The following TACC2 variants were observed in gnomAD, a reference collection of about 807,000 sequenced individuals.
TACC2 encodes the protein transforming acidic coiled-coil-containing protein 2.
TACC2 carries 137 observed loss-of-function variants against 227.3 expected under a neutral mutation model. That is an observed-to-expected ratio of 0.60 (90% CI 0.52 to 0.69). The LOEUF (loss-of-function observed/expected upper bound fraction) is 0.69. Ranked by LOEUF, TACC2 falls within the 30% of genes least tolerant of loss-of-function variation. The pLI, the probability that TACC2 is intolerant of heterozygous loss-of-function variation, is 0.00. For missense variants in TACC2, 3,470 were observed against 3,694.4 expected (o/e 0.94, Z 1.57); for synonymous variants, 1,523 against 1,487.5 (o/e 1.02, Z -0.55).
At chr10:122,143,236 T>TA (rs1270636557) in intron 6 of TACC2, among the ~76,000 whole-genome samples, 2 of 152,094 alleles carry the variant, frequency 1.3e-5, no homozygotes, top group South Asian at 2.1e-4. Context: ...GAAATCATCA[T>TA]AAAAAAAATC....
At chr10:122,132,082 G>GGAAGAA (rs1555059268) in intron 5 of TACC2, among the ~76,000 whole-genome samples, 3 of 136,098 alleles carry the variant, frequency 2.2e-5, no homozygotes, top group African/African-American at 8.8e-5. Context: ...AAGAAAGAAA[G>GGAAGAA]AGAAAGATCT....
intron 7 of TACC2, among the ~76,000 whole-genome samples, chr10:122,156,912 A>G (rs1333855498): frequency 1.3e-5 from 2 of 151,854 alleles, no homozygotes; most frequent in African/African-American, 4.8e-5. Flanking sequence ...GGAGTTCGAG[A>G]CCAGCTTAGG....
intron 2 of TACC2, 55 bp downstream of exon 2, chr10:122,022,069 A>G: frequency 6.3e-7 from 1 of 1,590,422 alleles, no homozygotes; most frequent in Non-Finnish European, 8.6e-7. Flanking sequence ...GCAGACCTTG[A>G]CTAGGTTCTT....
chr10:122,029,007 C>T (rs1591248764), intron 2 of TACC2, among the ~76,000 whole-genome samples: 1 of 85,878 alleles, frequency 1.2e-5, no homozygotes, highest in Non-Finnish European at 2.2e-5. Flanking sequence ...CCTCCCCTCC[C>T]CTCCCCTTCC....
chr10:122,198,350 T>A (rs1208630336), intron 8 of TACC2, among the ~76,000 whole-genome samples: 1 of 152,182 alleles, frequency 6.6e-6, no homozygotes, highest in Non-Finnish European at 1.5e-5. Context: ...GAGGGTGATC[T>A]GTGGGTCCCT....
intron 3 of TACC2, among the ~76,000 whole-genome samples, chr10:122,077,114 CAAA>C (rs973879242): frequency 3.0e-5 from 2 of 67,028 alleles, no homozygotes; most frequent in East Asian, 5.5e-4. Flanking sequence ...GACTCTGTCT[CAAA>C]AAAAAAAAAA....
intron 2 of TACC2, among the ~76,000 whole-genome samples, chr10:122,023,971 G>A (rs1591170493): frequency 6.6e-6 from 1 of 152,086 alleles, no homozygotes; most frequent in South Asian, 2.1e-4. Flanking sequence ...AATGTTCTGA[G>A]TTCAAAAGAA....
chr10:122,116,471 A>G (rs1430307476), intron 5 of TACC2, among the ~76,000 whole-genome samples: 1 of 152,152 alleles, frequency 6.6e-6, no homozygotes, highest in Non-Finnish European at 1.5e-5. Context: ...TTCTTGCCCT[A>G]CCCCTTACCA....
chr10:122,086,895 A>G lies in TACC2; in HGVS notation c.4395A>G (p.Ala1465=). ...GAGTGGATGTCACCCTTCTCCCTGC[A>G]CCTCCTGCTCGACTCCAGGTGGAGA... The part of the protein sequence containing the change: ...PPGVDVTLLP[A]PPARLQVEKK... Residue 1465 remains alanine (A), a synonymous_variant, in exon 4 of 23, where the codon GCA becomes GCG. Transcript: ENST00000369005. The G allele has an allele frequency of 6.2e-7, 1 of 1,613,822 alleles. No individual in the cohort carries two copies. Among genetic ancestry groups the G allele is most frequent in the South Asian group, 1.1e-5 (1 of 91,062 alleles).
Position 122,082,885 on chromosome 10 carries a change from C to A in TACC2, c.385C>A (p.Pro129Thr). The A allele has an allele frequency of 5.6e-6, 9 of 1,613,318 alleles. No homozygotes were observed. The highest frequency in any genetic ancestry group is 7.6e-6 in the Non-Finnish European group (9 of 1,180,010). ...TTGCTTGGCAAGTCCAGCAGCGGCA[C>A]CTGAAGATGGTCCTCAGACTCAGTC... ...EGCLASPAAA[P>T]EDGPQTQSPR... The change falls in exon 4 of 23, where the codon CCT (proline) becomes ACT (threonine). Residue 129 changes from proline to threonine, a missense_variant. Pro to Thr is a conservative substitution (Grantham distance 38). Transcript: ENST00000369005.
chr10:122,176,111 CTCTCTCTATATATATATATA>C (rs2093697744), intron 7 of TACC2, among the ~76,000 whole-genome samples: 1 of 62,386 alleles, frequency 1.6e-5, no homozygotes, highest in African/African-American at 9.6e-5. Flanking sequence ...CTCTCTCTCT[CTCTCTCTATATATATATATA>C]TATATATATA....
chr10:122,117,505 C>G (rs943843122), intron 5 of TACC2, among the ~76,000 whole-genome samples: 9 of 152,122 alleles, frequency 5.9e-5, no homozygotes, highest in African/African-American at 2.2e-4. Flanking sequence ...GCCACCCTCT[C>G]TTTTAATTGT....
chr10:122,087,583 C>T lies in TACC2; in HGVS notation c.5083C>T (p.Pro1695Ser), dbSNP rs779332914. 3.1e-6 allele frequency: 5 copies of T among 1,613,668 alleles called. No homozygotes were observed. Among genetic ancestry groups the T allele is most frequent in the African/African-American group, 1.3e-5 (1 of 75,066 alleles). The change falls in exon 4 of 23, where the codon CCT becomes TCT. Residue 1695 changes from proline (P) to serine (S), a missense_variant. Physicochemically the swap from Pro to Ser is moderately conservative, Grantham distance 74. Around this residue, in one of 10 missense-constraint regions of TACC2, gnomAD observed 1,924 missense variants for 1,978.3 expected, o/e 0.97. Transcript: ENST00000369005. ...AGAAGTGGCAGACACTCCCCTGGAG[C>T]CTGGCAAGGTGGCAGGCGCTGCTGG... ...TGEVADTPLE[P>S]GKVAGAAGEA...
In TACC2 at chr10:122,205,603, G is replaced by C. The variant is rs1218501605; in HGVS notation, c.5972-4794G>C. 6.6e-6 allele frequency among the ~76,000 whole-genome samples: 1 copy of C among 152,236 alleles called. No homozygotes were observed. The highest frequency in any genetic ancestry group is 1.9e-4 in the East Asian group (1 of 5,192). Reference sequence around the variant, plus strand: ...GCCCAGATAGAAGCAGATGAGGTGAGATAGCCCAGTTCCAGACTTCCCGAT... The same window carrying C: ...GCCCAGATAGAAGCAGATGAGGTGACATAGCCCAGTTCCAGACTTCCCGAT... On this transcript the variant is annotated intron_variant, in intron 8 of 22. Transcript: ENST00000369005. The surrounding 1 kb of genome is among the most constrained non-coding windows in gnomAD (Gnocchi z 4.5).
chr10:122,098,775 G>A (rs1591980569), intron 5 of TACC2, among the ~76,000 whole-genome samples: 2 of 152,222 alleles, frequency 1.3e-5, no homozygotes, highest in African/African-American at 2.4e-5. Flanking sequence ...TTTTACACAC[G>A]GGCTCATAGA....
chr10:122,055,450 A>G (rs557761627), intron 3 of TACC2, among the ~76,000 whole-genome samples: 4 of 152,310 alleles, frequency 2.6e-5, no homozygotes, highest in South Asian at 2.1e-4. Context: ...TTGGTAAACT[A>G]ACACAGGAAC....
At chr10:122,195,225 C>T in intron 8 of TACC2, 49 bp downstream of exon 8, 1 of 1,521,320 alleles carries the variant, frequency 6.6e-7, no homozygotes, top group Non-Finnish European at 8.9e-7. Context: ...AGTTGTGAGC[C>T]CTGGGGGAGA....
intron 11 of TACC2, among the ~76,000 whole-genome samples, chr10:122,218,871 AATT>A (rs1416271118): frequency 6.6e-6 from 1 of 151,812 alleles, no homozygotes; most frequent in Non-Finnish European, 1.5e-5. Context: ...AAGTACAAAA[AATT>A]ATCTGGGCAT....
intron 4 of TACC2, 123 bp downstream of exon 4, chr10:122,088,082 A>G (rs952619937): frequency 1.9e-6 from 2 of 1,069,136 alleles, no homozygotes; most frequent in Non-Finnish European, 2.5e-6. Context: ...TTCCATATCT[A>G]ATTGCTAAAT....
Sources: allele counts gnomAD v4.1 joint callset (sites outside exome capture counted in the v4.1 genomes callset), GRCh38; gene constraint gnomAD v4.1.1; regional missense constraint gnomAD v4.1.1; non-coding constraint Gnocchi (gnomAD v3.1); transcripts MANE v1.5; gene names NCBI Gene and HGNC (gene_info 2026-07-23, HGNC 2026-07-21).